TAB2: variants seen among roughly 807,000 people sequenced by gnomAD.
The protein encoded by TAB2 is TGF-beta activated kinase 1 (MAP3K7) binding protein 2, also known as TGF-beta-activated kinase 1 and MAP3K7-binding protein 2.
Under a neutral mutation model 65.0 loss-of-function variants are expected in TAB2, and 3 were observed. The observed-to-expected ratio is 0.05, with a 90% CI of 0.02 to 0.12. TAB2 has a LOEUF of 0.12. Among genes scored for constraint, TAB2 ranks in the 10% least tolerant of loss-of-function variants. The pLI, the probability that TAB2 is intolerant of heterozygous loss-of-function variation, is 1.00. For missense variants in TAB2, 623 were observed against 840.3 expected, an observed-to-expected ratio of 0.74 and a Z score of 3.20; for synonymous variants, 298 against 285.1, an observed-to-expected ratio of 1.05 and a Z score of -0.46.
chr6:149,310,690 G>A (rs1172972366), intron 1 of TAB2, among the ~76,000 whole-genome samples: 3 of 152,120 alleles, frequency 2.0e-5, no homozygotes, highest in Non-Finnish European at 2.9e-5. Flanking sequence ...TGACAGAGAA[G>A]GCTCAAGAAG....
intron 1 of TAB2, among the ~76,000 whole-genome samples, chr6:149,254,006 GAAAGAAAGAAAGAA>G (rs1554254267): frequency 7.2e-6 from 1 of 139,012 alleles, no homozygotes; most frequent in African/African-American, 2.7e-5. Context: ...AAGAAAGAAA[GAAAGAAAGAAAGAA>G]AGAAAAGAAA....
At chr6:149,388,793 T>A (rs1348283030) in intron 3 of TAB2, among the ~76,000 whole-genome samples, 1 of 152,172 alleles carries the variant, frequency 6.6e-6, no homozygotes, top group African/African-American at 2.4e-5. Flanking sequence ...TTCTACTTTG[T>A]TACTACCTTT....
chr6:149,370,692 A>G (rs1198777713), intron 2 of TAB2, among the ~76,000 whole-genome samples: 1 of 152,222 alleles, frequency 6.6e-6, no homozygotes, highest in Non-Finnish European at 1.5e-5. Flanking sequence ...TAGTATACAC[A>G]GTTTTGGAAA....
intron 1 of TAB2, among the ~76,000 whole-genome samples, chr6:149,354,373 G>A (rs186961813): frequency 6.6e-6 from 1 of 152,244 alleles, no homozygotes; most frequent in Admixed American, 6.5e-5. Context: ...GTCATAAAAT[G>A]TAATCTCAAT....
intron 6 of TAB2, among the ~76,000 whole-genome samples, chr6:149,403,395 G>T (rs237020): frequency 0.13 from 17,622 of 131,472 alleles, 1,229 homozygotes; most frequent in African/African-American, 0.18. Flanking sequence ...CATATAGAAG[G>T]AACTTAATAA....
At chr6:149,225,129 C>T (rs73781708) in intron 1 of TAB2, among the ~76,000 whole-genome samples, 8,884 of 152,220 alleles carry the variant, frequency 0.058, 451 homozygotes, top group South Asian at 0.14. Context: ...AAGATGAAGA[C>T]ACTGACTCTG....
At chr6:149,400,615 A>G (rs752246181) in intron 6 of TAB2, 3 of 1,614,242 alleles carry the variant, frequency 1.9e-6, no homozygotes, top group Admixed American at 1.7e-5. Flanking sequence ...AAACCTGCAC[A>G]GTTGGAAATG....
intron 1 of TAB2, among the ~76,000 whole-genome samples, chr6:149,345,831 T>C (rs2114790450): frequency 6.6e-6 from 1 of 151,456 alleles, no homozygotes; most frequent in Admixed American, 6.6e-5. Context: ...TGCATCTTGA[T>C]TTTTTTTCAG....
At chr6:149,315,496 A>G (rs1779233489), upstream of TAB2, among the ~76,000 whole-genome samples, 1 of 152,202 alleles carries the variant, frequency 6.6e-6, no homozygotes, top group Non-Finnish European at 1.5e-5. Context: ...ATAAACAAGG[A>G]TATTCTCATG....
rs895175973 is a variant in TAB2 at position 149,333,306 on chromosome 6, C to T, written c.-90+15291C>T. ...CGTCACCAACCCAAGATTAGTGAGG[C>T]GTACATTTTGCCTCTTTTTTCTCTT... On this transcript the variant is annotated intron_variant, in intron 1 of 6. Transcript: ENST00000637181. 5.9e-5 allele frequency among the ~76,000 whole-genome samples: 9 copies of T among 152,264 alleles called. No homozygotes were observed. The South Asian group carries it at 8.3e-4, about 14-fold the overall frequency.
At chr6:149,327,436 G>T (rs1401679491) in intron 1 of TAB2, among the ~76,000 whole-genome samples, 1 of 152,174 alleles carries the variant, frequency 6.6e-6, no homozygotes, top group Non-Finnish European at 1.5e-5. Flanking sequence ...AAGTAGCTAG[G>T]ACTACGTATG....
At position 149,241,062 on chromosome 6, in the gene TAB2, G is replaced by A. The variant is rs145249906; in HGVS notation, c.-121+22286G>A. Among the ~76,000 whole-genome samples the A allele has an allele frequency of 1.3e-3, 200 of 152,148 alleles. 1 individual carries two copies. Among genetic ancestry groups the A allele is most frequent in the African/African-American group, 3.8e-3 (158 of 41,504 alleles). ...CTCTTCACACAAGCACAAAAAAAGA[G>A]GTCAAAAAAGAGGTTGTGTAAGGAC... On this transcript the variant is annotated intron_variant, in intron 1 of 1. Transcript: ENST00000606202.
intron 1 of TAB2, chr6:149,244,260 C>A (rs1281328805): frequency 6.6e-6 from 1 of 152,278 alleles, no homozygotes; most frequent in Admixed American, 6.5e-5. Flanking sequence ...TGAGCCTCTA[C>A]TACATGCTGG....
At chr6:149,384,375 A>C (rs976160038) in intron 3 of TAB2, among the ~76,000 whole-genome samples, 2 of 152,210 alleles carry the variant, frequency 1.3e-5, no homozygotes, top group Non-Finnish European at 2.9e-5. Context: ...TAGAGTGATC[A>C]GAAGCAAAAG....
intron 1 of TAB2, among the ~76,000 whole-genome samples, chr6:149,227,119 G>A (rs961134883): frequency 6.6e-6 from 1 of 152,168 alleles, no homozygotes; most frequent in African/African-American, 2.4e-5. Context: ...ATTACTAAAA[G>A]AAAGATTCAC....
intron 1 of TAB2, among the ~76,000 whole-genome samples, chr6:149,309,883 G>GGTGTGTGT (rs59732519): frequency 1.3e-5 from 2 of 149,360 alleles, no homozygotes; most frequent in East Asian, 2.0e-4. Context: ...TGTGGGTGTG[G>GGTGTGTGT]GTGTGTGTGT....
intron 3 of TAB2, chr6:149,380,197 T>C: frequency 4.9e-6 from 1 of 203,470 alleles, no homozygotes; most frequent in Non-Finnish European, 1.0e-5. Context: ...ACTGTGACCA[T>C]ACCACTCTGC....
At chr6:149,222,863 G>C (rs1244591971) in intron 1 of TAB2, among the ~76,000 whole-genome samples, 2 of 152,042 alleles carry the variant, frequency 1.3e-5, no homozygotes, top group African/African-American at 4.8e-5. Context: ...AGTTAGAAAA[G>C]CTACTTTTCT....
At chr6:149,377,766 G>A (rs6916134) in intron 2 of TAB2, among the ~76,000 whole-genome samples, 3 of 152,120 alleles carry the variant, frequency 2.0e-5, no homozygotes, top group African/African-American at 7.2e-5. Context: ...TTTACTCCTC[G>A]TATCCATTGT....
Sources: allele counts gnomAD v4.1 joint callset (sites outside exome capture counted in the v4.1 genomes callset), GRCh38; gene constraint gnomAD v4.1.1; transcripts MANE v1.5; gene names NCBI Gene and HGNC (gene_info 2026-07-23, HGNC 2026-07-21).